Variants in LTN1 observed in about 807,000 individuals in gnomAD.
LTN1 encodes the protein listerin E3 ubiquitin protein ligase 1, also known as E3 ubiquitin-protein ligase listerin.
In LTN1, 88 loss-of-function variants were observed where a neutral mutation model predicts 201.2. The ratio of observed to expected loss-of-function variants is 0.44; its 90% CI spans 0.37 to 0.52. The LOEUF (loss-of-function observed/expected upper bound fraction) is 0.52. Ranked by LOEUF, LTN1 falls within the 20% of genes least tolerant of loss-of-function variation. The pLI is 0.00. For missense variants in LTN1, 1,752 were observed against 2,038.7 expected (o/e 0.86, Z 2.71); for synonymous variants, 645 against 713.5 (o/e 0.90, Z 1.53).
chr21:28,944,467 G>T lies in LTN1; in HGVS notation c.3898C>A (p.Pro1300Thr). ...STTLDTIGNLPVNLISEWKEF... is the reference protein window; with the variant it reads ...STTLDTIGNLTVNLISEWKEF... ...TTCCATTCACTGATTAGATTTACAGGAAGATTGCCAATGGTATCCAGAGTT... is the reference window on the plus strand; with the variant it reads ...TTCCATTCACTGATTAGATTTACAGTAAGATTGCCAATGGTATCCAGAGTT... Residue 1300 changes from proline (P) to threonine (T), a missense_variant, in exon 22 of 30, where the codon CCT becomes ACT. This residue lies in a region of LTN1 where 1,211 missense variants were observed against 1,312.8 expected (regional missense o/e 0.92). Transcript: ENST00000361371. 6.2e-7 allele frequency: 1 copy of T among 1,614,002 alleles called. No homozygotes were observed. Among genetic ancestry groups the T allele is most frequent in the East Asian group, 2.2e-5 (1 of 44,868 alleles).
rs1422038339 is a variant in LTN1 at position 28,932,624 on chromosome 21, T to C, written c.4916A>G (p.Tyr1639Cys). 6.2e-7 allele frequency: 1 copy of C among 1,613,394 alleles called. No individual in the cohort carries two copies. Among genetic ancestry groups the C allele is most frequent in the South Asian group, 1.1e-5 (1 of 90,924 alleles). Residue 1639 changes from tyrosine to cysteine, a missense_variant, in exon 28 of 30, where the codon TAT becomes TGT. Coordinates refer to ENST00000361371, the MANE Select transcript of LTN1 (RefSeq NM_015565.3). ...TTCAATAACTATGTCCTCAATAGTA[T>C]AAGTAGCCATTACCTCTCGAGTAGT... ...RATTREVMATYTIEDIVIELI... is the reference protein window; with the variant it reads ...RATTREVMATCTIEDIVIELI...
chr21:28,967,132 A>G lies in LTN1; in HGVS notation c.1359T>C (p.His453=). The part of the protein sequence containing the change: ...DAVLKDPGLQ[H]GQLFNHLAET... ...CTGCTAAATGGTTAAATAGCTGCCC[A>G]TGTTGCAATCCTGGGTCTTTGAGAA... is the stretch of plus-strand genomic sequence containing the variant. Residue 453 remains histidine, a synonymous_variant, in exon 10 of 30, where the codon CAT becomes CAC. Transcript: ENST00000361371. The G allele has an allele frequency of 2.5e-6, 4 of 1,614,028 alleles. No homozygotes were observed. Among genetic ancestry groups the G allele is most frequent in the Non-Finnish European group, 2.5e-6 (3 of 1,179,978 alleles).
intron 25 of LTN1, among the ~76,000 whole-genome samples, chr21:28,939,469 C>G (rs1249991288): frequency 6.6e-6 from 1 of 152,174 alleles, no homozygotes; most frequent in Non-Finnish European, 1.5e-5. Context: ...CCAGTTCAAT[C>G]TGATTTGCTA....
intron 18 of LTN1, among the ~76,000 whole-genome samples, chr21:28,949,899 C>T (rs1049762811): frequency 3.9e-5 from 6 of 152,090 alleles, no homozygotes; most frequent in Non-Finnish European, 5.9e-5. Flanking sequence ...TTTGAAATGC[C>T]ACCTATATTA....
chr21:28,963,282 G>A (rs181812109), intron 11 of LTN1, among the ~76,000 whole-genome samples: 1 of 152,270 alleles, frequency 6.6e-6, no homozygotes, highest in East Asian at 1.9e-4. Flanking sequence ...AGTTTCAAAG[G>A]ACTGGCTGAC....
chr21:28,979,487 C>A (rs955062489), intron 6 of LTN1, among the ~76,000 whole-genome samples: 30 of 152,214 alleles, frequency 2.0e-4, no homozygotes, highest in African/African-American at 6.7e-4. Context: ...GATGTACATA[C>A]AGGAACATGA....
At position 28,970,709 on chromosome 21, in the gene LTN1, C is replaced by T. The variant is rs767331136; in HGVS notation, c.1018G>A (p.Val340Met). Residue 340 changes from valine (V) to methionine (M), a missense_variant, in exon 8 of 30, where the codon GTG (valine) becomes ATG (methionine). Physicochemically the swap from Val to Met is conservative, Grantham distance 21. Coordinates refer to ENST00000361371, the MANE Select transcript of LTN1 (RefSeq NM_015565.3). Reference sequence around the variant, plus strand: ...ATCACAGTTGATAGCTTGGGAAACACACTCTTTTTTGCATTTACATGAAGC... The same window carrying T: ...ATCACAGTTGATAGCTTGGGAAACATACTCTTTTTTGCATTTACATGAAGC... ...CWLHVNAKKS[V>M]FPKLSTVIRE... The T allele has an allele frequency of 6.2e-7, 1 of 1,613,948 alleles. No individual in the cohort carries two copies. Among genetic ancestry groups the T allele is most frequent in the African/African-American group, 1.3e-5 (1 of 75,032 alleles).
At position 28,970,602 on chromosome 21, in the gene LTN1, T is replaced by G; in HGVS notation, c.1125A>C (p.Thr375=). ...PFISKLPQSI[T]NPKLDFFKNF... ...TTTTGAAGAAATCCAACTTTGGATT[T>G]GTGATGGACTGAGGGAGCTTGCTGA... Residue 375 remains threonine, a synonymous_variant, in exon 8 of 30, where the codon ACA becomes ACC. Coordinates refer to ENST00000361371, the MANE Select transcript of LTN1 (RefSeq NM_015565.3). The G allele has an allele frequency of 1.2e-6, 2 of 1,613,710 alleles. No individual in the cohort carries two copies. Among genetic ancestry groups the G allele is most frequent in the Non-Finnish European group, 1.7e-6 (2 of 1,179,902 alleles).
rs2776245 is a variant in LTN1 at position 28,968,243 on chromosome 21, T to C, written c.1312-1064A>G. On this transcript the variant is annotated intron_variant, in intron 9 of 29. Coordinates refer to ENST00000361371, the MANE Select transcript of LTN1 (RefSeq NM_015565.3). ...GGATTCTTGGTCATTAACAATCTAG[T>C]TTTCTTTGCATCTTCTGGATTTAAG... Among the ~76,000 whole-genome samples, 1,520 of 152,292 alleles carry C rather than the reference T, an allele frequency of 1.0e-2. 12 individuals are homozygous for C. Among genetic ancestry groups the C allele is most frequent in the Non-Finnish European group, 0.016 (1,094 of 68,024 alleles).
chr21:28,936,850 A>T (rs537271389), intron 25 of LTN1, among the ~76,000 whole-genome samples, 153 bp from the exon 26 acceptor site: 2 of 152,196 alleles, frequency 1.3e-5, no homozygotes, highest in East Asian at 3.9e-4. Flanking sequence ...ATCTTTCTCA[A>T]ATTGTCTTCC....
intron 1 of LTN1, among the ~76,000 whole-genome samples, chr21:28,988,141 CAAAA>C (rs1271726378): frequency 1.3e-5 from 1 of 77,964 alleles, no homozygotes; most frequent in Non-Finnish European, 2.3e-5. Context: ...GACTCTGTCT[CAAAA>C]AAAAAAAAAA....
chr21:28,976,483 C>T (rs1236513891), intron 6 of LTN1, among the ~76,000 whole-genome samples: 4 of 151,752 alleles, frequency 2.6e-5, no homozygotes, highest in Non-Finnish European at 4.4e-5. Flanking sequence ...GCTTGTAATT[C>T]CAGCTACTTG....
At position 28,963,584 on chromosome 21, in the gene LTN1, G is replaced by C. The variant is rs114375813; in HGVS notation, c.2163+2281C>G. ...CAAGACCTCTGATGGAGATGTACAA[G>C]GAAATTAATGTTGTTTTCATGCCTG... On this transcript the variant is annotated intron_variant, in intron 11 of 29. Transcript: ENST00000361371. 2.5e-3 allele frequency among the ~76,000 whole-genome samples: 381 copies of C among 152,308 alleles called. 2 individuals carry two copies. Among genetic ancestry groups the C allele is most frequent in the African/African-American group, 8.9e-3 (369 of 41,570 alleles).
chr21:28,931,101 T>TGTGTGTGTGTGTGTGTGTG, intron 29 of LTN1, 54 bp downstream of exon 29: 1 of 967,584 alleles, frequency 1.0e-6, no homozygotes, highest in Non-Finnish European at 1.6e-6. Flanking sequence ...GTGTGTGTGT[T>TGTGTGTGTGTGTGTGTGTG]TATGTGTATA....
Position 28,944,599 on chromosome 21 carries a change from G to GA in LTN1, c.3769-4dup, listed in dbSNP as rs772778143. 6 of 1,604,798 alleles carry GA rather than the reference G, an allele frequency of 3.7e-6. No individual in the cohort carries two copies. In the African/African-American group the frequency reaches 4.0e-5, roughly 11 times the overall value. ...AATGCCTGATTCTCACTTGTTGTCT[G>GA]AAAAAACAATAAAAATGAAATAGGT... On this transcript the variant is annotated splice_polypyrimidine_tract_variant and splice_region_variant and intron_variant, in intron 21 of 29. Transcript: ENST00000361371.
intron 25 of LTN1, among the ~76,000 whole-genome samples, chr21:28,939,037 C>A (rs569279851): frequency 1.1e-4 from 17 of 152,244 alleles, no homozygotes; most frequent in African/African-American, 4.1e-4. Flanking sequence ...GGTTCCACAT[C>A]TGAGAATTCA....
intron 18 of LTN1, among the ~76,000 whole-genome samples, chr21:28,951,287 A>C (rs1379538086): frequency 6.6e-6 from 1 of 152,236 alleles, no homozygotes; most frequent in African/African-American, 2.4e-5. Context: ...ACATGTATCT[A>C]TCATTTCAGA....
intron 9 of LTN1, among the ~76,000 whole-genome samples, chr21:28,968,617 CT>C (rs920909324): frequency 2.4e-4 from 36 of 147,362 alleles, no homozygotes; most frequent in African/African-American, 4.4e-4. Context: ...TTACATCTTT[CT>C]TTTTTTTTTT....
intron 1 of LTN1, among the ~76,000 whole-genome samples, chr21:28,989,471 T>A (rs1185263424): frequency 6.6e-6 from 1 of 152,090 alleles, no homozygotes; most frequent in African/African-American, 2.4e-5. Context: ...GGCACTTATT[T>A]TTTTTTTTGT....
Sources: gnomAD v4.1 joint callset for allele counts (sites outside exome capture counted in the v4.1 genomes callset) on GRCh38, gnomAD v4.1.1 for gene constraint, gnomAD v4.1.1 regional missense constraint, MANE v1.5 for transcripts, NCBI Gene and HGNC (gene_info 2026-07-23, HGNC 2026-07-21) for gene names.